COL27A1: variants seen among roughly 807,000 people sequenced by gnomAD.
COL27A1 encodes the protein collagen type XXVII alpha 1 chain.
Under a neutral mutation model 251.3 loss-of-function variants are expected in COL27A1, and 106 were observed. That is an observed-to-expected ratio of 0.42 (90% CI 0.36 to 0.50). COL27A1 has a LOEUF of 0.50. Among genes scored for constraint, COL27A1 ranks in the 20% least tolerant of loss-of-function variants. The pLI is 0.00. For missense variants in COL27A1, 2,325 were observed against 2,522.8 expected (o/e 0.92, Z 1.68); for synonymous variants, 1,000 against 986.3 (o/e 1.01, Z -0.26).
At chr9:114,258,823 G>A (rs998455023) in intron 28 of COL27A1, among the ~76,000 whole-genome samples, 57 of 152,132 alleles carry the variant, frequency 3.7e-4, no homozygotes, top group African/African-American at 1.2e-3. Flanking sequence ...AGGCACAGTC[G>A]GGCTCTCCGG....
chr9:114,198,283 TGTG>T (rs778497064), intron 7 of COL27A1, among the ~76,000 whole-genome samples: 4 of 152,108 alleles, frequency 2.6e-5, no homozygotes, highest in Non-Finnish European at 5.9e-5. Context: ...CCTGCATCCT[TGTG>T]GGGGTGTGGG....
Position 114,310,596 on chromosome 9 carries a change from A to C in COL27A1, c.5484A>C (p.Gln1828His), listed in dbSNP as rs777230362. Residue 1828 changes from glutamine to histidine, a missense_variant, in exon 61 of 61, where the codon CAA becomes CAC. Gln to His is a conservative substitution (Grantham distance 24). This residue lies in a region of COL27A1 where 327 missense variants were observed against 442.8 expected (regional missense o/e 0.74). Transcript: ENST00000356083. ...WHQTLFTFRT[Q>H]DPQQLPIISV... ...AGACACTCTTCACCTTCCGGACCCA[A>C]GACCCCCAACAGCTGCCCATCATCA... is the stretch of plus-strand genomic sequence containing the variant. The C allele has an allele frequency of 7.4e-6, 12 of 1,614,188 alleles. No individual in the cohort carries two copies. Among genetic ancestry groups the C allele is most frequent in the Non-Finnish European group, 1.0e-5 (12 of 1,180,034 alleles).
At position 114,290,836 on chromosome 9, in the gene COL27A1, T is replaced by A. The variant is rs1445392081; in HGVS notation, c.4395T>A (p.Pro1465=). 6.4e-7 allele frequency: 1 copy of A among 1,551,306 alleles called. No individual in the cohort carries two copies. ...GGGAGCAGGGAGACGATGGGGACCC[T>A]GGCCCCATGGGCCCTGCTGGGAAGA... The part of the protein sequence containing the change: ...QQGEQGDDGD[P]GPMGPAGKRG... Residue 1465 remains proline (P), a synonymous_variant, in exon 48 of 61, where the codon CCT becomes CCA. Coordinates refer to ENST00000356083, the MANE Select transcript of COL27A1 (RefSeq NM_032888.4). This position sits in a 1 kb window ranked among gnomAD's most constrained non-coding sequence, Gnocchi z 4.6.
chr9:114,196,091 C>A (rs1588634852), intron 7 of COL27A1, 79 bp downstream of exon 7: 2 of 1,245,348 alleles, frequency 1.6e-6, no homozygotes, highest in South Asian at 1.2e-5. Flanking sequence ...GAGCTGTGGG[C>A]CCACCTGCCT....
At chr9:114,250,217 C>T (rs995574125) in intron 24 of COL27A1, among the ~76,000 whole-genome samples, 1 of 152,242 alleles carries the variant, frequency 6.6e-6, no homozygotes, top group Non-Finnish European at 1.5e-5. Flanking sequence ...TCCCAGCCAG[C>T]GGGTTTGTTT....
At chr9:114,209,109 G>A (rs1469040789) in intron 10 of COL27A1, among the ~76,000 whole-genome samples, 3 of 152,216 alleles carry the variant, frequency 2.0e-5, no homozygotes, top group African/African-American at 4.8e-5. Context: ...TGTCTGTCCA[G>A]TGTGGGTGGT....
At chr9:114,299,843 C>T (rs1324965737) in intron 49 of COL27A1, among the ~76,000 whole-genome samples, 5 of 152,202 alleles carry the variant, frequency 3.3e-5, no homozygotes, top group African/African-American at 1.2e-4. Context: ...ATCCCTGAGC[C>T]GGGCTCCTCT....
intron 26 of COL27A1, 100 bp from the exon 27 acceptor site, chr9:114,252,779 C>G: frequency 7.1e-7 from 1 of 1,414,984 alleles, no homozygotes; most frequent in South Asian, 1.2e-5. Context: ...GGCCTAGCTG[C>G]TGTCCTCCTG....
At chr9:114,263,362 G>A (rs998004437) in intron 28 of COL27A1, among the ~76,000 whole-genome samples, 2 of 151,928 alleles carry the variant, frequency 1.3e-5, no homozygotes, top group Non-Finnish European at 2.9e-5. Flanking sequence ...GGAGTATTGC[G>A]GGCTGATCCC....
At position 114,178,294 on chromosome 9, in the gene COL27A1, C is replaced by T. The variant is rs772657447; in HGVS notation, c.1912C>T (p.Pro638Ser). 1.9e-6 allele frequency: 3 copies of T among 1,613,784 alleles called. No individual in the cohort carries two copies. Among genetic ancestry groups the T allele is most frequent in the Non-Finnish European group, 2.5e-6 (3 of 1,179,736 alleles). The change falls in exon 4 of 61, where the codon CCC becomes TCC. Residue 638 changes from proline (P) to serine (S), a missense_variant. Physicochemically the swap from Pro to Ser is moderately conservative, Grantham distance 74. This residue lies in a region of COL27A1 where 1,183 missense variants were observed against 1,144.1 expected (regional missense o/e 1.03). Coordinates refer to ENST00000356083, the MANE Select transcript of COL27A1 (RefSeq NM_032888.4). ...TGTCTTCTTGTTTTCTCCTCAGGGTCCCCCTGGGCTACCTGGGCTACCTGG... is the reference window on the plus strand; with the variant it reads ...TGTCTTCTTGTTTTCTCCTCAGGGTTCCCCTGGGCTACCTGGGCTACCTGG... ...GPKGDCGLPG[P>S]PGLPGLPGIP...
intron 4 of COL27A1, among the ~76,000 whole-genome samples, chr9:114,180,357 T>C (rs1827806752): frequency 6.6e-6 from 1 of 152,208 alleles, no homozygotes; most frequent in South Asian, 2.1e-4. Flanking sequence ...AAGTCCCTTC[T>C]GTCCTTCTAG....
At chr9:114,249,004 C>T (rs563390645) in intron 24 of COL27A1, among the ~76,000 whole-genome samples, 1 of 152,096 alleles carries the variant, frequency 6.6e-6, no homozygotes, top group Non-Finnish European at 1.5e-5. Flanking sequence ...GTATGAAGTA[C>T]CTCTACGCAT....
chr9:114,178,351 T>A lies in COL27A1; in HGVS notation c.1962+7T>A, dbSNP rs1827630209. On this transcript the variant is annotated splice_region_variant and intron_variant, in intron 4 of 60. Transcript: ENST00000356083. ...TGGTGCACGTGGGCCTCGGGTGAGT[T>A]ATCTCACACTGTCCTTTGGAACTCT... 1 of 1,613,624 alleles carries A rather than the reference T, an allele frequency of 6.2e-7. No homozygotes were observed. The highest frequency in any genetic ancestry group is 1.3e-5 in the African/African-American group (1 of 74,906).
chr9:114,266,681 C>T (rs183172298), intron 33 of COL27A1, 63 bp downstream of exon 33: 1 of 1,442,508 alleles, frequency 6.9e-7, no homozygotes, highest in Non-Finnish European at 9.8e-7. Flanking sequence ...CCCTTCCCTT[C>T]CCTCCTCCCC....
chr9:114,219,744 G>A (rs1047774345), intron 12 of COL27A1, 47 bp from the exon 13 acceptor site: 45 of 1,389,512 alleles, frequency 3.2e-5, no homozygotes, highest in Non-Finnish European at 4.2e-5. Context: ...CACCCTGAAG[G>A]TGACAACACT....
intron 39 of COL27A1, among the ~76,000 whole-genome samples, chr9:114,283,263 G>A (rs1044831644): frequency 2.6e-5 from 4 of 152,230 alleles, no homozygotes; most frequent in Admixed American, 6.5e-5. Context: ...CCCTTAGGCA[G>A]TATTTCCACC....
At chr9:114,170,330 A>G (rs1277523676) in intron 3 of COL27A1, among the ~76,000 whole-genome samples, 5 of 152,192 alleles carry the variant, frequency 3.3e-5, no homozygotes, top group African/African-American at 1.2e-4. Context: ...GACCGTCTCT[A>G]GGGGCAACGA....
intron 28 of COL27A1, among the ~76,000 whole-genome samples, chr9:114,263,363 G>A (rs1834490776): frequency 6.6e-6 from 1 of 152,010 alleles, no homozygotes; most frequent in African/African-American, 2.4e-5. Flanking sequence ...GAGTATTGCG[G>A]GCTGATCCCC....
At chr9:114,306,335 C>T (rs1035878721) in intron 57 of COL27A1, 185 bp from the exon 58 acceptor site, 12 of 596,544 alleles carry the variant, frequency 2.0e-5, no homozygotes, top group Non-Finnish European at 3.2e-5. Flanking sequence ...ATAGCCTCTC[C>T]TCCTGCACTT....
Sources: gnomAD v4.1 joint callset for allele counts (sites outside exome capture counted in the v4.1 genomes callset) on GRCh38, gnomAD v4.1.1 for gene constraint, gnomAD v4.1.1 regional missense constraint, Gnocchi (gnomAD v3.1) non-coding constraint, MANE v1.5 for transcripts, NCBI Gene and HGNC (gene_info 2026-07-23, HGNC 2026-07-21) for gene names.